Variants in DPP6 observed in about 807,000 individuals in gnomAD.
The protein encoded by DPP6 is dipeptidyl peptidase like 6, also known as A-type potassium channel modulatory protein DPP6.
A neutral mutation model predicts 122.6 loss-of-function variants in DPP6; 69 were observed. The observed-to-expected ratio is 0.56, with a 90% CI of 0.46 to 0.69. DPP6 has a LOEUF of 0.69. Among genes scored for constraint, DPP6 ranks in the 30% least tolerant of loss-of-function variants. The probability of loss-of-function intolerance (pLI) is 0.00; values close to 1 mark genes in which losing one functional copy is unlikely to be tolerated. For synonymous variants in DPP6, 418 were observed against 433.1 expected, an observed-to-expected ratio of 0.97 and a Z score of 0.43; for missense variants, 928 against 1,116.9, an observed-to-expected ratio of 0.83 and a Z score of 2.41.
At chr7:153,850,038 C>T in the DPP6 span, among the ~76,000 whole-genome samples, 2 of 152,074 alleles carry the variant, frequency 1.3e-5, no homozygotes, top group East Asian at 1.9e-4. Flanking sequence ...TCATGCTTTC[C>T]AGTTACTCAT....
rs1269624918 is a variant in DPP6, at chr7:154,063,463, G to A, written c.243+10400G>A. 8.6e-5 allele frequency among the ~76,000 whole-genome samples: 11 copies of A among 127,746 alleles called. 2 individuals are homozygous for A. The highest frequency in any genetic ancestry group is 1.8e-4 in the African/African-American group (6 of 33,784). The allele number at this position is 127,746 out of a possible 152,430, so 83.8% of individuals were successfully genotyped here. ...AAGGGGGGGAGGCACCTCCCGCGAG[G>A]CAGGGACTGAGAGCCATTCCCTCTT... On this transcript the variant is annotated intron_variant, in intron 1 of 25. Coordinates refer to ENST00000377770, the MANE Select transcript of DPP6 (RefSeq NM_130797.4).
chr7:154,583,078 G>A lies in DPP6; in HGVS notation c.627+16162G>A, dbSNP rs963464692. On this transcript the variant is annotated intron_variant, in intron 5 of 25. Coordinates refer to ENST00000377770, the MANE Select transcript of DPP6 (RefSeq NM_130797.4). ...CCTGAGCCCACTGGTAACTGTACTT[G>A]GCCCCCACCACACAGCAAAACTCTC... Among the ~76,000 whole-genome samples the A allele has an allele frequency of 2.6e-5, 4 of 152,256 alleles. No homozygotes were observed. The South Asian group carries it at 8.3e-4, about 32-fold the overall frequency.
chr7:154,838,402 C>T (rs1338235492), intron 16 of DPP6: 1 of 152,168 alleles, frequency 6.6e-6, no homozygotes, highest in Non-Finnish European at 1.5e-5. Flanking sequence ...GATCTCTGAT[C>T]GGGTTCCATT....
intron 1 of DPP6, among the ~76,000 whole-genome samples, chr7:154,213,451 C>A (rs921352137): frequency 5.9e-5 from 9 of 152,154 alleles, no homozygotes; most frequent in Non-Finnish European, 1.5e-5. Context: ...TCATCACCAC[C>A]CTGAGTGTTC....
intron 3 of DPP6, among the ~76,000 whole-genome samples, chr7:154,528,372 A>G (rs1026382434): frequency 6.6e-6 from 1 of 152,212 alleles, no homozygotes; most frequent in African/African-American, 2.4e-5. Flanking sequence ...ATAAAGAGGC[A>G]CAAAAGGTAT....
At chr7:154,085,915 A>G (rs1195588827) in intron 1 of DPP6, among the ~76,000 whole-genome samples, 1 of 152,100 alleles carries the variant, frequency 6.6e-6, no homozygotes, top group African/African-American at 2.4e-5. Flanking sequence ...ATTTAGCAAG[A>G]CAGGGTTTCA....
At chr7:154,640,607 T>C (rs1225792398) in intron 6 of DPP6, among the ~76,000 whole-genome samples, 1 of 152,176 alleles carries the variant, frequency 6.6e-6, no homozygotes, top group Non-Finnish European at 1.5e-5. Flanking sequence ...CTCTGAGCGG[T>C]ATCTCCGTAG....
At chr7:154,027,874 A>G (rs1224237981) in intron 1 of DPP6, among the ~76,000 whole-genome samples, 1 of 151,450 alleles carries the variant, frequency 6.6e-6, no homozygotes, top group East Asian at 1.9e-4. Context: ...GTCTGCACCT[A>G]TCATACTGAC....
In DPP6 at chr7:154,500,745, C is replaced by T. The variant is rs547698412; in HGVS notation, c.457+25708C>T. The stretch of plus-strand genomic sequence containing the variant: ...GTCTTGGGTATGTCTTTATCAGCAG[C>T]CTGAAAATGGACTAATACAGTAAAT... On this transcript the variant is annotated intron_variant, in intron 3 of 25. Transcript: ENST00000377770. Among the ~76,000 whole-genome samples, 18 of 152,246 alleles carry T rather than the reference C, an allele frequency of 1.2e-4. No homozygotes were observed. The East Asian group carries it at 2.1e-3, about 18-fold the overall frequency.
chr7:154,433,460 C>T (rs1459323417), intron 1 of DPP6, among the ~76,000 whole-genome samples: 3 of 151,942 alleles, frequency 2.0e-5, no homozygotes, highest in Non-Finnish European at 2.9e-5. Context: ...TGAGCCCCCT[C>T]GCCCGGCCTC....
chr7:154,720,239 G>A (rs1841727792), intron 7 of DPP6, among the ~76,000 whole-genome samples: 1 of 152,194 alleles, frequency 6.6e-6, no homozygotes, highest in South Asian at 2.1e-4. Context: ...ATGCCCAGGA[G>A]AGGAGGCACC....
chr7:154,290,024 G>A lies in DPP6; in HGVS notation c.244-156190G>A, dbSNP rs139771668. On this transcript the variant is annotated intron_variant, in intron 1 of 25. Coordinates refer to ENST00000377770, the MANE Select transcript of DPP6 (RefSeq NM_130797.4). ...GAAAAATAAATGAGGTGTGATCATT[G>A]CAATTCATTCCCATCATTACGAAAT... is the stretch of plus-strand genomic sequence containing the variant. Among the ~76,000 whole-genome samples the A allele has an allele frequency of 2.7e-3, 415 of 152,282 alleles. 1 individual carries two copies. Among genetic ancestry groups the A allele is most frequent in the Middle Eastern group, 0.014 (4 of 294 alleles).
intron 4 of DPP6, among the ~76,000 whole-genome samples, chr7:154,559,925 T>TAGATATATATATAA (rs149349122): frequency 0.49 from 70,872 of 143,808 alleles, 18,388 homozygotes; most frequent in East Asian, 0.82. Flanking sequence ...ATAATATATA[T>TAGATATATATATAA]AGATATATAT....
chr7:154,333,130 A>T (rs1189911728), intron 1 of DPP6, among the ~76,000 whole-genome samples: 1 of 152,200 alleles, frequency 6.6e-6, no homozygotes, highest in Non-Finnish European at 1.5e-5. Flanking sequence ...GTTCTGCTTC[A>T]AGCGTATTTG....
intron 1 of DPP6, among the ~76,000 whole-genome samples, chr7:154,378,061 A>G (rs776296183): frequency 6.6e-6 from 1 of 152,226 alleles, no homozygotes; most frequent in Non-Finnish European, 1.5e-5. Context: ...ACTTACTGGC[A>G]TATAGAAACA....
chr7:154,735,990 T>C (rs1040580322), intron 8 of DPP6, among the ~76,000 whole-genome samples: 10 of 152,212 alleles, frequency 6.6e-5, no homozygotes, highest in African/African-American at 2.2e-4. Flanking sequence ...GTAGCAATCA[T>C]GGCATCATGG....
intron 1 of DPP6, among the ~76,000 whole-genome samples, chr7:153,933,544 C>T (rs941614796): frequency 7.9e-5 from 12 of 152,328 alleles, no homozygotes; most frequent in African/African-American, 2.6e-4. Flanking sequence ...TCTGGCGTTG[C>T]ACCAGCTGCT....
At position 153,963,282 on chromosome 7, in the gene DPP6, C is replaced by T. The variant is rs190203911; in HGVS notation, c.51+75548C>T. ...GGAGCTTTGCCACCCCTCGGTTTCC[C>T]GAGCACCTGCCACGTGCCAGGCACT... is the stretch of plus-strand genomic sequence containing the variant. On this transcript the variant is annotated intron_variant, in intron 1 of 25. Coordinates refer to the DPP6 transcript ENST00000404039. Among the ~76,000 whole-genome samples, 603 of 151,604 alleles carry T rather than the reference C, an allele frequency of 4.0e-3. 4 individuals are homozygous for T. The highest frequency in any genetic ancestry group is 0.013 in the African/African-American group (554 of 41,436).
chr7:154,759,273 T>G (rs1215141882), intron 8 of DPP6, among the ~76,000 whole-genome samples: 1 of 152,208 alleles, frequency 6.6e-6, no homozygotes, highest in Non-Finnish European at 1.5e-5. Context: ...CACTTGATTA[T>G]CCTCCCCGAA....
Sources: allele counts gnomAD v4.1 joint callset (sites outside exome capture counted in the v4.1 genomes callset), GRCh38; gene constraint gnomAD v4.1.1; transcripts MANE v1.5; gene names NCBI Gene and HGNC (gene_info 2026-07-23, HGNC 2026-07-21).